SLC7A1: variants seen among roughly 807,000 people sequenced by gnomAD.
SLC7A1 encodes the protein high affinity cationic amino acid transporter 1.
Under a neutral mutation model 53.9 loss-of-function variants are expected in SLC7A1, and 10 were observed. That is an observed-to-expected ratio of 0.19 (90% CI 0.11 to 0.31). The LOEUF (loss-of-function observed/expected upper bound fraction) is 0.31. Ranked by LOEUF, SLC7A1 falls within the 10% of genes least tolerant of loss-of-function variation. The probability of loss-of-function intolerance (pLI) is 1.00; values close to 1 mark genes in which losing one functional copy is unlikely to be tolerated. For synonymous variants in SLC7A1, 342 were observed against 338.7 expected, an observed-to-expected ratio of 1.01 and a Z score of -0.11; for missense variants, 525 against 827.2, an observed-to-expected ratio of 0.63 and a Z score of 4.48.
chr13:29,587,793 A>G (rs1441330412), intron 1 of SLC7A1, among the ~76,000 whole-genome samples: 2 of 152,232 alleles, frequency 1.3e-5, no homozygotes, highest in African/African-American at 4.8e-5. Context: ...GGTGGGCAGG[A>G]GCATGAAAGA....
chr13:29,579,755 T>C (rs1871562729), intron 1 of SLC7A1, among the ~76,000 whole-genome samples: 1 of 152,036 alleles, frequency 6.6e-6, no homozygotes, highest in Non-Finnish European at 1.5e-5. Context: ...TCCTCCGGAG[T>C]ATTCCTCTGA....
chr13:29,523,545 C>G (rs1303378293), intron 6 of SLC7A1, 57 bp from the exon 7 acceptor site: 2 of 1,304,714 alleles, frequency 1.5e-6, no homozygotes, highest in African/African-American at 1.5e-5. Context: ...GTGTATCTGC[C>G]CACATGACAC....
chr13:29,570,857 CA>C (rs11321368), intron 1 of SLC7A1, among the ~76,000 whole-genome samples: 102,621 of 138,968 alleles, frequency 0.74, 37,988 homozygotes, highest in Non-Finnish European at 0.83. Context: ...GACTTTGTCT[CA>C]AAAAAAAAAA....
chr13:29,540,391 T>A, intron 2 of SLC7A1, among the ~76,000 whole-genome samples: 1 of 152,246 alleles, frequency 6.6e-6, no homozygotes, highest in East Asian at 1.9e-4. Context: ...AAAGCACGTT[T>A]CCCACAGGAA....
chr13:29,533,415 T>G (rs1227206640), intron 3 of SLC7A1, among the ~76,000 whole-genome samples: 3 of 152,200 alleles, frequency 2.0e-5, no homozygotes, highest in Non-Finnish European at 2.9e-5. Context: ...TCTGGAGGAA[T>G]GCTGCTTAGG....
intron 1 of SLC7A1, among the ~76,000 whole-genome samples, chr13:29,574,413 A>G (rs966660810): frequency 1.4e-4 from 22 of 152,228 alleles, no homozygotes; most frequent in African/African-American, 5.3e-4. Context: ...TCACGTGAAC[A>G]AGAACACGAA....
intron 1 of SLC7A1, among the ~76,000 whole-genome samples, chr13:29,594,944 C>T (rs1399345055): frequency 6.6e-6 from 1 of 152,106 alleles, no homozygotes; most frequent in East Asian, 1.9e-4. Context: ...CATCCCCGGA[C>T]CTCGTGGCGG....
intron 2 of SLC7A1, among the ~76,000 whole-genome samples, chr13:29,547,305 G>T (rs1175474884): frequency 6.6e-6 from 1 of 152,176 alleles, no homozygotes; most frequent in African/African-American, 2.4e-5. Context: ...AGACCCGCTG[G>T]CTGTGAGGTA....
intron 1 of SLC7A1, among the ~76,000 whole-genome samples, chr13:29,576,105 T>C (rs1871397143): frequency 6.6e-6 from 1 of 151,742 alleles, no homozygotes; most frequent in Non-Finnish European, 1.5e-5. Flanking sequence ...TTGGAGAACA[T>C]AGCAAAGCTC....
intron 1 of SLC7A1, among the ~76,000 whole-genome samples, chr13:29,575,271 C>T (rs1351031546): frequency 6.6e-6 from 1 of 152,190 alleles, no homozygotes; most frequent in Non-Finnish European, 1.5e-5. Flanking sequence ...AGGTATTATT[C>T]TACCCGGTGC....
In SLC7A1 at chr13:29,524,114, A is replaced by G. The variant is rs1033584365; in HGVS notation, c.826+18T>C. 8.7e-6 allele frequency: 14 copies of G among 1,611,614 alleles called. No homozygotes were observed. The highest frequency in any genetic ancestry group is 1.1e-5 in the Non-Finnish European group (13 of 1,179,400). On this transcript the variant is annotated intron_variant, in intron 6 of 12. Transcript: ENST00000380752. Reference sequence around the variant, plus strand: ...AGGGTGCAGGAGGACCCGGGACCGCAGTGGCTGGCGGACATACCTGTGGTG... The same window carrying G: ...AGGGTGCAGGAGGACCCGGGACCGCGGTGGCTGGCGGACATACCTGTGGTG...
intron 10 of SLC7A1, 112 bp from the exon 11 acceptor site, chr13:29,517,422 C>T: frequency 7.8e-7 from 1 of 1,282,024 alleles, no homozygotes; most frequent in Non-Finnish European, 1.1e-6. Flanking sequence ...TTTCCGAAGG[C>T]ACAACTACAG....
At chr13:29,586,974 C>T (rs564940693) in intron 1 of SLC7A1, among the ~76,000 whole-genome samples, 110 of 152,330 alleles carry the variant, frequency 7.2e-4, no homozygotes, top group Non-Finnish European at 1.1e-3. Flanking sequence ...CCAGGTTGGG[C>T]GTTACGTGGA....
At chr13:29,540,398 G>A (rs530181308) in intron 2 of SLC7A1, among the ~76,000 whole-genome samples, 6 of 152,298 alleles carry the variant, frequency 3.9e-5, no homozygotes, top group Non-Finnish European at 8.8e-5. Flanking sequence ...GTTTCCCACA[G>A]GAATTCTAAC....
intron 5 of SLC7A1, among the ~76,000 whole-genome samples, chr13:29,529,115 T>C (rs1037248756): frequency 6.6e-5 from 10 of 152,216 alleles, no homozygotes; most frequent in African/African-American, 2.4e-4. Flanking sequence ...AAATTTGGCA[T>C]AAATATGACT....
intron 1 of SLC7A1, among the ~76,000 whole-genome samples, chr13:29,555,075 T>C (rs1406777008): frequency 6.6e-6 from 1 of 152,084 alleles, no homozygotes; most frequent in Non-Finnish European, 1.5e-5. Flanking sequence ...AATTACATTG[T>C]GGGCCGGGCG....
intron 2 of SLC7A1, among the ~76,000 whole-genome samples, chr13:29,536,861 G>A (rs1451223617): frequency 2.6e-5 from 4 of 152,226 alleles, no homozygotes; most frequent in Non-Finnish European, 5.9e-5. Context: ...TGAAATGTCA[G>A]CCCAATGTGC....
intron 2 of SLC7A1, among the ~76,000 whole-genome samples, chr13:29,539,084 G>GT (rs1450594450): frequency 6.6e-6 from 1 of 152,188 alleles, no homozygotes; most frequent in Non-Finnish European, 1.5e-5. Flanking sequence ...GGCCTCACAG[G>GT]ATAACATAAC....
intron 8 of SLC7A1, among the ~76,000 whole-genome samples, chr13:29,521,954 G>T (rs902539095): frequency 6.6e-5 from 10 of 152,188 alleles, no homozygotes; most frequent in African/African-American, 2.4e-4. Context: ...TCCAGGTACT[G>T]GCGAGGTCTC....
Sources: allele counts gnomAD v4.1 joint callset (sites outside exome capture counted in the v4.1 genomes callset), GRCh38; gene constraint gnomAD v4.1.1; transcripts MANE v1.5; gene names NCBI Gene and HGNC (gene_info 2026-07-23, HGNC 2026-07-21).